The following CATSPERT variants were observed in gnomAD, a reference collection of about 807,000 sequenced individuals.
The protein encoded by CATSPERT is catsper channel auxiliary subunit tau.
chr2:201,536,573 A>C, the CATSPERT span, among the ~76,000 whole-genome samples: 4 of 152,040 alleles, frequency 2.6e-5, no homozygotes, highest in African/African-American at 9.6e-5. Context: ...ATAAATCAGC[A>C]ACATCTCAAA....
chr2:201,564,654 T>C, the CATSPERT span, among the ~76,000 whole-genome samples: 1 of 152,134 alleles, frequency 6.6e-6, no homozygotes, highest in Non-Finnish European at 1.5e-5. Context: ...ATTGGTACTC[T>C]TATGATAAGA....
At chr2:201,502,448 T>G in the CATSPERT span, among the ~76,000 whole-genome samples, 1 of 152,024 alleles carries the variant, frequency 6.6e-6, no homozygotes, top group African/African-American at 2.4e-5. Flanking sequence ...GGCACACGCC[T>G]GTAATCCCAG....
chr2:201,502,677 C>G, the CATSPERT span, among the ~76,000 whole-genome samples: 1 of 151,000 alleles, frequency 6.6e-6, no homozygotes, highest in African/African-American at 2.4e-5. Context: ...AAAGGTTTCT[C>G]TTTATCATTG....
chr2:201,543,973 A>AG, the CATSPERT span, among the ~76,000 whole-genome samples: 1 of 152,004 alleles, frequency 6.6e-6, no homozygotes, highest in East Asian at 1.9e-4. Flanking sequence ...CTCATCATTT[A>AG]CATTAGGTAT....
At chr2:201,539,577 G>T in the CATSPERT span, among the ~76,000 whole-genome samples, 32 of 44,464 alleles carry the variant, frequency 7.2e-4, no homozygotes, top group Non-Finnish European at 3.3e-4. Flanking sequence ...TTTTGTTTTT[G>T]GTTTTGGTTT....
the CATSPERT span, among the ~76,000 whole-genome samples, chr2:201,540,776 A>T: frequency 6.6e-6 from 1 of 152,354 alleles, no homozygotes; most frequent in African/African-American, 2.4e-5. Context: ...GAGTAATTTC[A>T]ACTTTCAAGT....
chr2:201,611,385 T>C, the CATSPERT span, among the ~76,000 whole-genome samples: 7 of 151,986 alleles, frequency 4.6e-5, no homozygotes, highest in Non-Finnish European at 8.8e-5. Flanking sequence ...TCAAAGGAGA[T>C]CAAATAGAAA....
the CATSPERT span, among the ~76,000 whole-genome samples, chr2:201,577,905 G>A: frequency 6.6e-6 from 1 of 152,052 alleles, no homozygotes; most frequent in Non-Finnish European, 1.5e-5. Context: ...GTGAGGTGAT[G>A]GAAATATTAA....
chr2:201,493,933 T>A, the CATSPERT span: 1 of 1,537,180 alleles, frequency 6.5e-7, no homozygotes, highest in Non-Finnish European at 8.7e-7. Flanking sequence ...TAAAAATGAA[T>A]CTGCAGGAAT....
At chr2:201,528,942 A>C in the CATSPERT span, among the ~76,000 whole-genome samples, 1 of 152,128 alleles carries the variant, frequency 6.6e-6, no homozygotes, top group Non-Finnish European at 1.5e-5. Flanking sequence ...AACAAAAATT[A>C]GTAGTTTCTA....
the CATSPERT span, among the ~76,000 whole-genome samples, chr2:201,539,554 G>A: frequency 1.6e-5 from 1 of 61,478 alleles, no homozygotes; most frequent in Non-Finnish European, 3.7e-5. Context: ...ACTTTTTAAC[G>A]AGGTTGTTTT....
the CATSPERT span, chr2:201,534,402 G>A: frequency 5.1e-6 from 5 of 984,128 alleles, no homozygotes; most frequent in Admixed American, 6.2e-5. Context: ...TACTTATCAA[G>A]TGAAAGTTGA....
the CATSPERT span, among the ~76,000 whole-genome samples, chr2:201,583,765 A>T: frequency 1.3e-5 from 2 of 152,158 alleles, no homozygotes; most frequent in Admixed American, 1.3e-4. Flanking sequence ...CAGCATGGAA[A>T]CAAAGCGCCA....
the CATSPERT span, among the ~76,000 whole-genome samples, chr2:201,556,514 A>AAG: frequency 7.5e-5 from 3 of 39,882 alleles, no homozygotes. Flanking sequence ...CTTCAAAAAG[A>AAG]AAAAAAAAAA....
At chr2:201,592,246 T>G in the CATSPERT span, among the ~76,000 whole-genome samples, 1 of 151,162 alleles carries the variant, frequency 6.6e-6, no homozygotes, top group African/African-American at 2.4e-5. Context: ...AATCATGTGG[T>G]TTTTGTCTTT....
At chr2:201,584,246 C>T in the CATSPERT span, among the ~76,000 whole-genome samples, 1 of 151,956 alleles carries the variant, frequency 6.6e-6, no homozygotes, top group African/African-American at 2.4e-5. Context: ...GCCGTGATCG[C>T]GCCACTGCAC....
chr2:201,529,284 C>T, the CATSPERT span, among the ~76,000 whole-genome samples: 1 of 152,044 alleles, frequency 6.6e-6, no homozygotes, highest in African/African-American at 2.4e-5. Flanking sequence ...ATACCCCAAA[C>T]AGCCAAAGCA....
At chr2:201,572,966 T>C in the CATSPERT span, among the ~76,000 whole-genome samples, 2 of 152,152 alleles carry the variant, frequency 1.3e-5, no homozygotes, top group Admixed American at 1.3e-4. Context: ...CCCAAAACTT[T>C]AGAAAGGAAA....
the CATSPERT span, among the ~76,000 whole-genome samples, chr2:201,601,316 G>GT: frequency 0.62 from 74,975 of 120,910 alleles, 21,162 homozygotes; most frequent in Admixed American, 0.71. Flanking sequence ...GTGTGTGTGT[G>GT]GGTTGTAATA....
Sources: allele counts gnomAD v4.1 joint callset (sites outside exome capture counted in the v4.1 genomes callset), GRCh38; gene constraint gnomAD v4.1.1; transcripts MANE v1.5; gene names NCBI Gene and HGNC (gene_info 2026-07-23, HGNC 2026-07-21).